Variants in EXOC5 observed in about 807,000 individuals in gnomAD.
EXOC5 encodes exocyst complex component 5.
EXOC5 carries 17 observed loss-of-function variants against 90.8 expected under a neutral mutation model. The ratio of observed to expected loss-of-function variants is 0.19; its 90% confidence interval spans 0.13 to 0.28. The LOEUF is 0.28. EXOC5 is among the 10% of genes least tolerant of loss of function. The probability of loss-of-function intolerance (pLI) is 1.00; values close to 1 mark genes in which losing one functional copy is unlikely to be tolerated. For synonymous variants in EXOC5, 260 were observed against 270.0 expected, an observed-to-expected ratio of 0.96 and a Z score of 0.36; for missense variants, 569 against 830.6, an observed-to-expected ratio of 0.69 and a Z score of 3.87.
At chr14:57,267,124 A>G (rs1327313998) in intron 1 of EXOC5, among the ~76,000 whole-genome samples, 1 of 152,144 alleles carries the variant, frequency 6.6e-6, no homozygotes, top group African/African-American at 2.4e-5. Context: ...CCACAGCACT[A>G]CTTAGTACCT....
rs1883426833 is a variant in EXOC5 at position 57,229,857 on chromosome 14, A to G, written c.1173T>C (p.Ile391=). 1.3e-6 allele frequency: 2 copies of G among 1,485,728 alleles called. No homozygotes were observed. The highest frequency in any genetic ancestry group is 4.0e-5 in the Admixed American group (2 of 49,468). 92.0% of individuals were successfully genotyped at this position (1,485,728 alleles called of 1,614,324 possible). A position where few individuals can be genotyped will look rare whatever the true frequency, so the allele number is the denominator to read the frequency against. ...TGGIQDLKER[I]RQRTNLPLGP... ...CAAGTGGTAAGTTGGTACGCTGTCT[A>G]ATTCTTTCCTTCAAATCTTGAATAC... The change falls in exon 12 of 18, where the codon ATT becomes ATC. Residue 391 remains isoleucine, a synonymous_variant. Transcript: ENST00000621441.
In EXOC5 at chr14:57,268,747, G is replaced by C; in HGVS notation, c.-99C>G. 4.7e-6 allele frequency: 7 copies of C among 1,479,880 alleles called. No homozygotes were observed. The highest frequency in any genetic ancestry group is 6.2e-6 in the Non-Finnish European group (7 of 1,120,040). 91.7% of individuals were successfully genotyped at this position (1,479,880 alleles called of 1,614,324 possible). On this transcript the variant is annotated 5_prime_UTR_variant, in exon 1 of 18. Transcript: ENST00000621441. Reference sequence around the variant, plus strand: ...GCACAGGTCTCCGCTCGGCTCGCCAGCTCCGGCTCCGGGCCGCTGCGGGCT... The same window carrying C: ...GCACAGGTCTCCGCTCGGCTCGCCACCTCCGGCTCCGGGCCGCTGCGGGCT...
chr14:57,224,831 G>A (rs922766054), intron 12 of EXOC5, among the ~76,000 whole-genome samples: 1 of 152,184 alleles, frequency 6.6e-6, no homozygotes, highest in Non-Finnish European at 1.5e-5. Context: ...GGAAGCCGAG[G>A]CGGGCGGATC....
At chr14:57,222,895 A>G (rs1165666951) in intron 12 of EXOC5, among the ~76,000 whole-genome samples, 1 of 151,982 alleles carries the variant, frequency 6.6e-6, no homozygotes, top group Non-Finnish European at 1.5e-5. Flanking sequence ...AGCAAAGAAC[A>G]GTCTAGTAAA....
intron 11 of EXOC5, among the ~76,000 whole-genome samples, chr14:57,231,277 G>A (rs1156863091): frequency 6.6e-6 from 1 of 152,068 alleles, no homozygotes; most frequent in Non-Finnish European, 1.5e-5. Context: ...CCAAAGTGCT[G>A]CGATTACAGG....
intron 3 of EXOC5, 98 bp from the exon 4 acceptor site, chr14:57,244,457 TATATACGAG>T (rs1204541433): frequency 2.3e-6 from 2 of 864,842 alleles, no homozygotes; most frequent in African/African-American, 3.4e-5. Context: ...TAACAGAAGT[TATATACGAG>T]ATGATCTACA....
chr14:57,237,241 T>G, intron 6 of EXOC5, 97 bp downstream of exon 6: 1 of 724,556 alleles, frequency 1.4e-6, no homozygotes, highest in Non-Finnish European at 2.5e-6. Context: ...GGTAGGAAGA[T>G]GACATTGTTC....
chr14:57,267,008 A>G (rs1472683820), intron 1 of EXOC5, among the ~76,000 whole-genome samples: 4 of 152,182 alleles, frequency 2.6e-5, no homozygotes, highest in Non-Finnish European at 5.9e-5. Context: ...AACATATATA[A>G]CAGTTTTCAG....
chr14:57,209,902 C>T lies in EXOC5; in HGVS notation c.1722+51G>A. The T allele has an allele frequency of 3.4e-6, 4 of 1,191,540 alleles. 1 individual carries two copies. The highest frequency in any genetic ancestry group is 2.6e-5 in the South Asian group (2 of 76,296). 73.8% of individuals were successfully genotyped at this position (1,191,540 alleles called of 1,614,324 possible). Reference sequence around the variant, plus strand: ...AAAAAATCTAGGGCACAGTAGGATACACCAATGAAAATGTTAACAAAGTAT... The same window carrying T: ...AAAAAATCTAGGGCACAGTAGGATATACCAATGAAAATGTTAACAAAGTAT... On this transcript the variant is annotated intron_variant, in intron 16 of 17. Coordinates refer to ENST00000621441, the MANE Select transcript of EXOC5 (RefSeq NM_006544.4).
Position 57,247,620 on chromosome 14 carries a change from T to G in EXOC5, c.120A>C (p.Lys40Asn). ...SRGGPEAFDP[K>N]RLLEEFVNHI... ...GGAAAAAAATTTTTTTATTTCACCT[T>G]TTAGGATCAAAAGCTTCAGGTCCAC... is the stretch of plus-strand genomic sequence containing the variant. The change falls in exon 2 of 18, where the codon AAA (lysine) becomes AAC (asparagine). Residue 40 changes from lysine (K) to asparagine (N), a missense_variant and splice_region_variant. This residue lies in a region of EXOC5 where 45 missense variants were observed against 44.6 expected (regional missense o/e 1.01). Transcript: ENST00000621441. 1 of 1,535,604 alleles carries G rather than the reference T, an allele frequency of 6.5e-7. No individual in the cohort carries two copies. Among genetic ancestry groups the G allele is most frequent in the South Asian group, 1.2e-5 (1 of 82,268 alleles).
chr14:57,202,489 G>A lies in EXOC5; in HGVS notation c.*6120C>T, dbSNP rs978482500. 1 of 152,026 alleles carries A rather than the reference G, an allele frequency of 6.6e-6. No individual in the cohort carries two copies. 9.4% of individuals were successfully genotyped at this position (152,026 alleles called of 1,614,324 possible). A position where few individuals can be genotyped will look rare whatever the true frequency, so the allele number is the denominator to read the frequency against. On this transcript the variant is annotated 3_prime_UTR_variant, in exon 18 of 18. Transcript: ENST00000621441. ...CATGACAGCGACTTATTCTCAAAAG[G>A]GAAAAATTTTATTTGTACAGTATTT...
rs1218895432 is a variant in EXOC5, at chr14:57,202,087, C to CA, written c.*6521dup. The CA allele has an allele frequency of 6.6e-6, 1 of 152,002 alleles. No homozygotes were observed. The highest frequency in any genetic ancestry group is 1.5e-5 in the Non-Finnish European group (1 of 67,972). 9.4% of individuals were successfully genotyped at this position (152,002 alleles called of 1,614,324 possible). On this transcript the variant is annotated 3_prime_UTR_variant, in exon 18 of 18. Transcript: ENST00000621441. ...TATGTGATAGGATGCAACAATAACACAGAGTTGCATCCGTGGTATGTCTGC... is the reference window on the plus strand; with the variant it reads ...TATGTGATAGGATGCAACAATAACACAAGAGTTGCATCCGTGGTATGTCTGC...
At chr14:57,255,238 C>T (rs1884317667) in intron 1 of EXOC5, among the ~76,000 whole-genome samples, 1 of 152,126 alleles carries the variant, frequency 6.6e-6, no homozygotes, top group African/African-American at 2.4e-5. Context: ...CAACTCTAAG[C>T]CCCTAAAATA....
rs1395404036 is a variant in EXOC5 at position 57,209,585 on chromosome 14, C to T, written c.1920G>A (p.Lys640=). The change falls in exon 17 of 18, where the codon AAG becomes AAA. Residue 640 remains lysine (K), a synonymous_variant. Coordinates refer to ENST00000621441, the MANE Select transcript of EXOC5 (RefSeq NM_006544.4). The part of the protein sequence containing the change: ...LAICDVAEYR[K]CAKDFKIPMV... ...CACATACCTTGAAGTCTTTGGCACA[C>T]TTCCTATATTCGGCTACATCACAAA... is the stretch of plus-strand genomic sequence containing the variant. 10 of 1,611,616 alleles carry T rather than the reference C, an allele frequency of 6.2e-6. No homozygotes were observed. The highest frequency in any genetic ancestry group is 8.5e-6 in the Non-Finnish European group (10 of 1,178,254).
chr14:57,225,322 A>G (rs1883273663), intron 12 of EXOC5, among the ~76,000 whole-genome samples: 1 of 152,190 alleles, frequency 6.6e-6, no homozygotes, highest in Non-Finnish European at 1.5e-5. Flanking sequence ...GTAGGATAAA[A>G]TAATTTTCTC....
intron 5 of EXOC5, among the ~76,000 whole-genome samples, chr14:57,238,371 T>TACACAC (rs1226294016): frequency 7.9e-4 from 77 of 97,258 alleles, no homozygotes; most frequent in Middle Eastern, 5.8e-3. Flanking sequence ...TATATATATA[T>TACACAC]ATATACACAC....
intron 1 of EXOC5, among the ~76,000 whole-genome samples, chr14:57,254,138 A>C (rs1044026997): frequency 6.6e-6 from 1 of 152,182 alleles, no homozygotes; most frequent in Non-Finnish European, 1.5e-5. Flanking sequence ...AGCACATGAA[A>C]AGATGCCTAA....
chr14:57,226,123 T>C (rs950760688), intron 12 of EXOC5, among the ~76,000 whole-genome samples: 1 of 152,172 alleles, frequency 6.6e-6, no homozygotes, highest in Admixed American at 6.6e-5. Context: ...CCTGCAACTG[T>C]GAAGATAAGT....
At chr14:57,222,868 T>A (rs1161377117) in intron 12 of EXOC5, among the ~76,000 whole-genome samples, 3 of 151,660 alleles carry the variant, frequency 2.0e-5, no homozygotes, top group Non-Finnish European at 4.4e-5. Flanking sequence ...CCAAAGAGGT[T>A]TGAGAGCCAC....
Sources: allele counts gnomAD v4.1 joint callset (sites outside exome capture counted in the v4.1 genomes callset), GRCh38; gene constraint gnomAD v4.1.1; regional missense constraint gnomAD v4.1.1; transcripts MANE v1.5; gene names NCBI Gene and HGNC (gene_info 2026-07-23, HGNC 2026-07-21).